UNC13C: variants seen among roughly 807,000 people sequenced by gnomAD.
UNC13C encodes protein unc-13 homolog C.
Under a neutral mutation model 245.4 loss-of-function variants are expected in UNC13C, and 174 were observed. That is an observed-to-expected ratio of 0.71 (90% CI 0.63 to 0.80). The LOEUF (loss-of-function observed/expected upper bound fraction) is 0.80, where lower values mean the gene tolerates loss of function less well. Ranked by LOEUF, UNC13C falls within the 30% of genes least tolerant of loss-of-function variation. The probability of loss-of-function intolerance (pLI) is 0.00; values close to 1 mark genes in which losing one functional copy is unlikely to be tolerated. For missense variants in UNC13C, 2,829 were observed against 2,602.9 expected, an observed-to-expected ratio of 1.09 and a Z score of -1.89; for synonymous variants, 992 against 895.1, an observed-to-expected ratio of 1.11 and a Z score of -1.93.
At chr15:54,550,877 A>G (rs569020394) in intron 28 of UNC13C, among the ~76,000 whole-genome samples, 5 of 152,188 alleles carry the variant, frequency 3.3e-5, no homozygotes, top group Non-Finnish European at 7.3e-5. Flanking sequence ...ACATAAAACC[A>G]TGAAGGTGAA....
the UNC13C span, among the ~76,000 whole-genome samples, chr15:53,876,066 A>C: frequency 1.3e-5 from 2 of 152,180 alleles, no homozygotes; most frequent in Admixed American, 6.5e-5. Context: ...TTTATGCTAA[A>C]TACTCTCTCC....
intron 30 of UNC13C, among the ~76,000 whole-genome samples, chr15:54,604,379 C>T (rs7165350): frequency 0.16 from 22,176 of 139,214 alleles, 1,668 homozygotes; most frequent in Middle Eastern, 0.24. Context: ...TTACTTTTTT[C>T]CTTAAACCAG....
chr15:54,012,005 C>T (rs890659959), intron 1 of UNC13C, among the ~76,000 whole-genome samples: 3 of 152,186 alleles, frequency 2.0e-5, no homozygotes, highest in Non-Finnish European at 4.4e-5. Flanking sequence ...TTACATTTCA[C>T]TGATAAAATA....
Position 54,058,147 on chromosome 15 carries a change from C to T in UNC13C, c.2983+42261C>T, listed in dbSNP as rs193063631. Among the ~76,000 whole-genome samples the T allele has an allele frequency of 7.0e-3, 1,065 of 152,044 alleles. 10 individuals are homozygous for T. The highest frequency in any genetic ancestry group is 0.023 in the African/African-American group (970 of 41,480). ...TGAAGGAAATAGAGACACAAAAAAC[C>T]CTTCAAAAAATCAATGAATCCAGGA... is the stretch of plus-strand genomic sequence containing the variant. On this transcript the variant is annotated intron_variant, in intron 2 of 32. Transcript: ENST00000260323.
At chr15:54,525,413 A>G in intron 24 of UNC13C, 136 bp from the exon 25 acceptor site, 1 of 127,522 alleles carries the variant, frequency 7.8e-6, no homozygotes, top group Non-Finnish European at 1.6e-5. Context: ...TTCAAAGACC[A>G]AAAAAAAAAA....
At chr15:54,257,828 A>G (rs1415455635) in intron 8 of UNC13C, among the ~76,000 whole-genome samples, 1 of 152,324 alleles carries the variant, frequency 6.6e-6, no homozygotes, top group South Asian at 2.1e-4. Context: ...TTCCTTGAAA[A>G]GACTGAAGGC....
At chr15:53,935,098 C>A in the UNC13C span, among the ~76,000 whole-genome samples, 333 of 152,116 alleles carry the variant, frequency 2.2e-3, no homozygotes, top group Non-Finnish European at 3.8e-3. Context: ...TGGTGGTGGC[C>A]ATTGTCACAA....
At chr15:54,146,910 G>T (rs576016663) in intron 4 of UNC13C, among the ~76,000 whole-genome samples, 2 of 152,254 alleles carry the variant, frequency 1.3e-5, no homozygotes, top group African/African-American at 2.4e-5. Context: ...AGTATGAAAA[G>T]CCTGAAATTG....
chr15:54,477,483 A>G lies in UNC13C; in HGVS notation c.4934-17125A>G, dbSNP rs1223099055. On this transcript the variant is annotated intron_variant, in intron 19 of 32. Coordinates refer to ENST00000260323, the MANE Select transcript of UNC13C (RefSeq NM_001080534.3). ...CTCTTATTATTTTGAGATACGTCCC[A>G]TCAATACCTAATTTATTGAGAGTTT... is the stretch of plus-strand genomic sequence containing the variant. Among the ~76,000 whole-genome samples the G allele has an allele frequency of 6.3e-5, 7 of 110,762 alleles. 2 individuals carry two copies. Among genetic ancestry groups the G allele is most frequent in the Non-Finnish European group, 1.4e-4 (7 of 51,592 alleles). The allele number at this position is 110,762 out of a possible 152,430, so 72.7% of individuals were successfully genotyped here. A position where few individuals can be genotyped will look rare whatever the true frequency, so the allele number is the denominator to read the frequency against.
At position 54,015,087 on chromosome 15, in the gene UNC13C, T is replaced by C. The variant is rs1193050824; in HGVS notation, c.2184T>C (p.Asn728=). The C allele has an allele frequency of 1.2e-6, 2 of 1,612,838 alleles. No individual in the cohort carries two copies. The highest frequency in any genetic ancestry group is 1.7e-6 in the Non-Finnish European group (2 of 1,179,418). ...CTTCTCCATGCCCTGGCTTGGATAA[T>C]GAACCACAAGGCCAGTGGGTTGGCC... ...DNSSPCPGLD[N]EPQGQWVGQY... is the part of the protein sequence containing the mutation. Residue 728 remains asparagine, a synonymous_variant, in exon 2 of 33, where the codon AAT becomes AAC. Transcript: ENST00000260323.
chr15:54,135,356 C>T (rs2141222837), intron 2 of UNC13C, among the ~76,000 whole-genome samples: 2 of 152,230 alleles, frequency 1.3e-5, no homozygotes, highest in South Asian at 4.1e-4. Context: ...GTGTCATATC[C>T]AAGGAAATTA....
intron 15 of UNC13C, among the ~76,000 whole-genome samples, chr15:54,333,097 G>A (rs1208339688): frequency 1.3e-5 from 2 of 151,924 alleles, no homozygotes; most frequent in African/African-American, 4.8e-5. Flanking sequence ...CGTAATTAGC[G>A]ATGGTTTTCC....
In UNC13C at chr15:54,622,354, A is replaced by G; in HGVS notation, c.6134A>G (p.Gln2045Arg). ...CGTTCCTCCAAAGATGCCGTGGGTC[A>G]GATATCTGTTCATGTGGACATCACT... ...QSRSSKDAVG[Q>R]ISVHVDITAT... is the part of the protein sequence containing the mutation. Residue 2045 changes from glutamine to arginine, a missense_variant, in exon 31 of 33, where the codon CAG (glutamine) becomes CGG (arginine). Gln to Arg is a conservative substitution (Grantham distance 43). Coordinates refer to ENST00000260323, the MANE Select transcript of UNC13C (RefSeq NM_001080534.3). 6.2e-7 allele frequency: 1 copy of G among 1,613,344 alleles called. No individual in the cohort carries two copies. The highest frequency in any genetic ancestry group is 8.5e-7 in the Non-Finnish European group (1 of 1,179,438).
chr15:54,177,915 TTCTC>T (rs957731089), intron 4 of UNC13C, among the ~76,000 whole-genome samples: 4 of 152,120 alleles, frequency 2.6e-5, no homozygotes, highest in African/African-American at 9.6e-5. Flanking sequence ...TCTCATTTTT[TTCTC>T]TCTCTTTCTA....
chr15:54,440,080 G>T lies in UNC13C; in HGVS notation c.4933+25013G>T, dbSNP rs144432162. Among the ~76,000 whole-genome samples the T allele has an allele frequency of 1.2e-3, 182 of 151,990 alleles. 1 individual carries two copies. The highest frequency in any genetic ancestry group is 4.3e-3 in the African/African-American group (178 of 41,494). The stretch of plus-strand genomic sequence containing the variant: ...GTGGGACGTTATTGGGTCATGGGGG[G>T]TGGGTTCCCCCATGCTGTTTTCTTG... On this transcript the variant is annotated intron_variant, in intron 19 of 32. Coordinates refer to ENST00000260323, the MANE Select transcript of UNC13C (RefSeq NM_001080534.3).
chr15:54,316,734 A>G (rs1362225990), intron 13 of UNC13C, among the ~76,000 whole-genome samples: 3 of 151,758 alleles, frequency 2.0e-5, no homozygotes, highest in Non-Finnish European at 4.4e-5. Flanking sequence ...CTCAACTCTC[A>G]TTCTGTAGTC....
At chr15:54,148,814 G>T (rs1203032303) in intron 4 of UNC13C, among the ~76,000 whole-genome samples, 2 of 152,134 alleles carry the variant, frequency 1.3e-5, no homozygotes, top group Non-Finnish European at 2.9e-5. Context: ...TGAGTCAGTG[G>T]TTTACCCTAC....
At chr15:54,399,064 A>G (rs2040127719) in intron 18 of UNC13C, among the ~76,000 whole-genome samples, 1 of 151,696 alleles carries the variant, frequency 6.6e-6, no homozygotes, top group Non-Finnish European at 1.5e-5. Context: ...TGGAGAGTTA[A>G]GGTTAGATTT....
chr15:54,272,628 C>CT (rs956817749), intron 10 of UNC13C, among the ~76,000 whole-genome samples: 5 of 152,022 alleles, frequency 3.3e-5, no homozygotes, highest in Admixed American at 2.6e-4. Flanking sequence ...ATTTATTTCT[C>CT]TTTTTTTTCT....
Sources: gnomAD v4.1 joint callset for allele counts (sites outside exome capture counted in the v4.1 genomes callset) on GRCh38, gnomAD v4.1.1 for gene constraint, MANE v1.5 for transcripts, NCBI Gene and HGNC (gene_info 2026-07-23, HGNC 2026-07-21) for gene names.